The following NKAIN3 variants were observed in gnomAD, a reference collection of about 807,000 sequenced individuals.
The protein encoded by NKAIN3 is sodium/potassium-transporting ATPase subunit beta-1-interacting protein 3.
In NKAIN3, 25 loss-of-function variants were observed where a neutral mutation model predicts 30.2. That is an observed-to-expected ratio of 0.83 (90% confidence interval 0.60 to 1.16). NKAIN3 has a LOEUF of 1.16. Among genes scored for constraint, NKAIN3 ranks in the 50% most tolerant of loss-of-function variants. NKAIN3 has a pLI of 0.00. For missense variants in NKAIN3, 225 were observed against 254.1 expected (o/e 0.89, Z 0.78); for synonymous variants, 91 against 89.6 (o/e 1.02, Z -0.09).
intron 3 of NKAIN3, among the ~76,000 whole-genome samples, chr8:62,615,398 G>A (rs1811421390): frequency 6.6e-6 from 1 of 152,116 alleles, no homozygotes; most frequent in Admixed American, 6.5e-5. Context: ...ACAAAAGGAA[G>A]GGATCTCTTT....
chr8:62,881,570 C>T (rs1186877466), intron 4 of NKAIN3, among the ~76,000 whole-genome samples: 1 of 152,146 alleles, frequency 6.6e-6, no homozygotes, highest in Admixed American at 6.5e-5. Context: ...CAATAGTCTT[C>T]GTAGCTAGTT....
At position 62,624,834 on chromosome 8, in the gene NKAIN3, T is replaced by C. The variant is rs1811744293; in HGVS notation, c.273+35040T>C. ...TCTCTTGCTTCTCAGTTTTGGAAGT[T>C]TCTATTGTCATATTCTCAAACTCAG... is the stretch of plus-strand genomic sequence containing the variant. On this transcript the variant is annotated intron_variant, in intron 3 of 6. Coordinates refer to ENST00000623646, the MANE Select transcript of NKAIN3 (RefSeq NM_001304533.3). 2.0e-5 allele frequency among the ~76,000 whole-genome samples: 3 copies of C among 152,042 alleles called. No individual in the cohort carries two copies. The South Asian group carries it at 6.2e-4, about 32-fold the overall frequency.
intron 1 of NKAIN3, among the ~76,000 whole-genome samples, chr8:62,536,272 C>T (rs908709549): frequency 6.6e-6 from 1 of 152,102 alleles, no homozygotes; most frequent in African/African-American, 2.4e-5. Context: ...GCAATGCGGG[C>T]AAGCTCCAAG....
At chr8:62,885,112 T>C (rs1332362110) in intron 4 of NKAIN3, among the ~76,000 whole-genome samples, 2 of 152,234 alleles carry the variant, frequency 1.3e-5, no homozygotes, top group African/African-American at 4.8e-5. Flanking sequence ...ATCTAATGTT[T>C]GTATTCAATG....
chr8:62,756,399 A>T (rs934564654), intron 4 of NKAIN3, among the ~76,000 whole-genome samples: 3 of 152,140 alleles, frequency 2.0e-5, no homozygotes, highest in Non-Finnish European at 4.4e-5. Flanking sequence ...CATGTATCAG[A>T]ACTTCCTTTT....
intron 1 of NKAIN3, among the ~76,000 whole-genome samples, chr8:62,330,846 C>A (rs1434056326): frequency 6.6e-6 from 1 of 151,910 alleles, no homozygotes; most frequent in Non-Finnish European, 1.5e-5. Context: ...TTCTCTGTAT[C>A]CCTACCAGGC....
chr8:62,920,535 C>T (rs1427040521), intron 5 of NKAIN3, among the ~76,000 whole-genome samples: 1 of 152,158 alleles, frequency 6.6e-6, no homozygotes, highest in South Asian at 2.1e-4. Flanking sequence ...GCCTTCTTTT[C>T]AGTGTATATA....
chr8:62,305,817 T>C (rs1408713434), intron 1 of NKAIN3, among the ~76,000 whole-genome samples: 3 of 150,394 alleles, frequency 2.0e-5, no homozygotes, highest in African/African-American at 7.5e-5. Context: ...CTGAGGATCT[T>C]GACTCATTCT....
At chr8:62,635,572 G>A (rs1450320201) in intron 3 of NKAIN3, among the ~76,000 whole-genome samples, 2 of 152,052 alleles carry the variant, frequency 1.3e-5, no homozygotes, top group Non-Finnish European at 2.9e-5. Context: ...CAAGGTGATG[G>A]TATTAAGAGG....
At position 62,849,907 on chromosome 8, in the gene NKAIN3, G is replaced by A. The variant is rs544731581; in HGVS notation, c.472-68546G>A. On this transcript the variant is annotated intron_variant, in intron 4 of 6. Coordinates refer to ENST00000623646, the MANE Select transcript of NKAIN3 (RefSeq NM_001304533.3). ...CTTTGCTATTGTGAATAGTGCTGCA[G>A]TAAACATATGTGTGCATGTGTCTTT... 9.2e-4 allele frequency among the ~76,000 whole-genome samples: 140 copies of A among 152,040 alleles called. 1 individual carries two copies. Among genetic ancestry groups the A allele is most frequent in the African/African-American group, 3.3e-3 (136 of 41,512 alleles).
chr8:62,568,448 C>G (rs1015615139), intron 1 of NKAIN3, among the ~76,000 whole-genome samples: 1 of 152,116 alleles, frequency 6.6e-6, no homozygotes, highest in Non-Finnish European at 1.5e-5. Flanking sequence ...TTTTTCGACA[C>G]ATTGAAAATT....
intron 1 of NKAIN3, among the ~76,000 whole-genome samples, chr8:62,279,289 T>C (rs1017221518): frequency 3.9e-5 from 6 of 152,146 alleles, no homozygotes; most frequent in African/African-American, 1.2e-4. Flanking sequence ...TTCAGGTGAG[T>C]AGATTGCAAA....
intron 5 of NKAIN3, among the ~76,000 whole-genome samples, chr8:62,924,997 T>C (rs1822395119): frequency 6.6e-6 from 1 of 151,996 alleles, no homozygotes; most frequent in Non-Finnish European, 1.5e-5. Flanking sequence ...TTTCAACATA[T>C]GAATTGGTGG....
chr8:62,322,843 A>G (rs1814983184), intron 1 of NKAIN3, among the ~76,000 whole-genome samples: 1 of 152,230 alleles, frequency 6.6e-6, no homozygotes, highest in South Asian at 2.1e-4. Context: ...TGAAAACTCA[A>G]CAATGGGAAA....
intron 1 of NKAIN3, among the ~76,000 whole-genome samples, chr8:62,556,615 A>G (rs1219164924): frequency 1.3e-5 from 2 of 151,934 alleles, no homozygotes. Flanking sequence ...AAAAAGTGGT[A>G]TTAATCAAAT....
At chr8:62,331,927 G>C in intron 1 of NKAIN3, among the ~76,000 whole-genome samples, 1 of 152,032 alleles carries the variant, frequency 6.6e-6, no homozygotes, top group Non-Finnish European at 1.5e-5. Flanking sequence ...AGATTACTTT[G>C]AAGTCTGGGG....
chr8:62,820,847 T>C (rs1212477252), intron 4 of NKAIN3, among the ~76,000 whole-genome samples: 1 of 152,112 alleles, frequency 6.6e-6, no homozygotes, highest in Non-Finnish European at 1.5e-5. Context: ...AACATAAACA[T>C]GAATGTGCAT....
intron 1 of NKAIN3, among the ~76,000 whole-genome samples, chr8:62,403,978 G>A (rs1319716739): frequency 6.6e-6 from 1 of 152,250 alleles, no homozygotes; most frequent in African/African-American, 2.4e-5. Flanking sequence ...CCAAGGCCAT[G>A]GGAGCCCACC....
Position 62,627,546 on chromosome 8 carries a change from G to A in NKAIN3, c.273+37752G>A, listed in dbSNP as rs574567821. On this transcript the variant is annotated intron_variant, in intron 3 of 6. Coordinates refer to ENST00000623646, the MANE Select transcript of NKAIN3 (RefSeq NM_001304533.3). Reference sequence around the variant, plus strand: ...AAGGGTCCAGAGAGAAAGATTGTAGGATTCTGTGAGTTTCACATACTTTGA... The same window carrying A: ...AAGGGTCCAGAGAGAAAGATTGTAGAATTCTGTGAGTTTCACATACTTTGA... Among the ~76,000 whole-genome samples, 11 of 152,154 alleles carry A rather than the reference G, an allele frequency of 7.2e-5. No homozygotes were observed. In the South Asian group the frequency reaches 1.9e-3, roughly 26 times the overall value.
Sources: gnomAD v4.1 joint callset for allele counts (sites outside exome capture counted in the v4.1 genomes callset) on GRCh38, gnomAD v4.1.1 for gene constraint, MANE v1.5 for transcripts, NCBI Gene and HGNC (gene_info 2026-07-23, HGNC 2026-07-21) for gene names.